TNKS: variants seen among roughly 807,000 people sequenced by gnomAD.
The protein encoded by TNKS is tankyrase.
Under a neutral mutation model 135.8 loss-of-function variants are expected in TNKS, and 72 were observed. The observed-to-expected ratio is 0.53, with a 90% confidence interval of 0.44 to 0.64. The LOEUF (loss-of-function observed/expected upper bound fraction) is 0.64, where lower values mean the gene tolerates loss of function less well. Ranked by LOEUF, TNKS falls within the 30% of genes least tolerant of loss-of-function variation. TNKS has a pLI of 0.00. For synonymous variants in TNKS, 849 were observed against 649.3 expected (o/e 1.31, Z -4.68); for missense variants, 1,769 against 1,674.0 (o/e 1.06, Z -0.99).
intron 12 of TNKS, chr8:9,722,368 A>G (rs1804930498): frequency 6.6e-6 from 1 of 152,194 alleles, no homozygotes; most frequent in East Asian, 1.9e-4. Flanking sequence ...TGTGAAAACT[A>G]TTGATGAGGA....
intron 11 of TNKS, among the ~76,000 whole-genome samples, chr8:9,713,643 T>TA (rs1364124910): frequency 6.6e-6 from 1 of 152,162 alleles, no homozygotes; most frequent in South Asian, 2.1e-4. Context: ...AGTAGGCACT[T>TA]AAAAAAGAGG....
intron 3 of TNKS, among the ~76,000 whole-genome samples, chr8:9,666,588 C>G (rs1283020126): frequency 6.6e-6 from 1 of 152,018 alleles, no homozygotes; most frequent in African/African-American, 2.4e-5. Flanking sequence ...GCTGTGGTGG[C>G]TCACGCCTGT....
At position 9,556,180 on chromosome 8, in the gene TNKS, C is replaced by G; in HGVS notation, c.241C>G (p.Pro81Ala). ...SRDPPDRPRS[P>A]DPVDGTSCCS... ...GGATCCGCCCGACAGGCCCCGATCC[C>G]CGGACCCGGTTGACGGTACCAGCTG... The change falls in exon 1 of 27, where the codon CCG (proline) becomes GCG (alanine). Residue 81 changes from proline to alanine, a missense_variant. By Grantham distance (27) the Pro-to-Ala change is conservative. Coordinates refer to ENST00000310430, the MANE Select transcript of TNKS (RefSeq NM_003747.3). 6.2e-7 allele frequency: 1 copy of G among 1,612,932 alleles called. No homozygotes were observed. The highest frequency in any genetic ancestry group is 8.5e-7 in the Non-Finnish European group (1 of 1,179,294).
intron 3 of TNKS, among the ~76,000 whole-genome samples, chr8:9,660,601 C>G (rs1442759641): frequency 6.6e-6 from 1 of 152,172 alleles, no homozygotes; most frequent in African/African-American, 2.4e-5. Context: ...ATAATAAGAG[C>G]TATCTATGAC....
intron 3 of TNKS, among the ~76,000 whole-genome samples, chr8:9,668,711 G>A (rs1439506035): frequency 1.3e-5 from 2 of 152,188 alleles, no homozygotes; most frequent in Non-Finnish European, 2.9e-5. Flanking sequence ...AAGTGCAAAT[G>A]ATTGGAGCTT....
intron 2 of TNKS, among the ~76,000 whole-genome samples, chr8:9,599,374 A>G (rs55729276): frequency 7.5e-4 from 115 of 152,322 alleles, no homozygotes; most frequent in African/African-American, 2.6e-3. Flanking sequence ...ATATTGTCAC[A>G]TTTAATTGTA....
intron 3 of TNKS, among the ~76,000 whole-genome samples, chr8:9,648,964 GA>G (rs1355981397): frequency 1.3e-5 from 2 of 151,984 alleles, no homozygotes; most frequent in African/African-American, 4.8e-5. Context: ...AAAACAGTGG[GA>G]TAGGTTTAGG....
chr8:9,611,825 A>C (rs554649652), intron 2 of TNKS, among the ~76,000 whole-genome samples: 22 of 152,294 alleles, frequency 1.4e-4, no homozygotes, highest in Non-Finnish European at 2.5e-4. Flanking sequence ...GACATTTAAG[A>C]ATGTGTCTGA....
At chr8:9,667,911 A>C (rs1175367207) in intron 3 of TNKS, among the ~76,000 whole-genome samples, 3 of 143,328 alleles carry the variant, frequency 2.1e-5, no homozygotes, top group Non-Finnish European at 4.5e-5. Flanking sequence ...TTTTTCATTT[A>C]ACAAATATAC....
chr8:9,650,845 T>C (rs1290084158), intron 3 of TNKS, among the ~76,000 whole-genome samples: 1 of 152,178 alleles, frequency 6.6e-6, no homozygotes, highest in Non-Finnish European at 1.5e-5. Flanking sequence ...TTTATTTTTG[T>C]TTTAGTTGCA....
chr8:9,731,881 A>G (rs113552233), intron 14 of TNKS, among the ~76,000 whole-genome samples: 2,423 of 151,690 alleles, frequency 0.016, 67 homozygotes, highest in African/African-American at 0.055. Flanking sequence ...TCTGCCTCCC[A>G]GGTTCACGCC....
At chr8:9,579,138 T>G (rs1798069063) in intron 1 of TNKS, among the ~76,000 whole-genome samples, 1 of 152,220 alleles carries the variant, frequency 6.6e-6, no homozygotes, top group East Asian at 1.9e-4. Context: ...ACCCCCATTT[T>G]TGTCTGAAAA....
rs553427507 is a variant in TNKS at position 9,659,418 on chromosome 8, A to G, written c.995-20533A>G. 1.3e-5 allele frequency among the ~76,000 whole-genome samples: 2 copies of G among 152,372 alleles called. 1 individual carries two copies. Among genetic ancestry groups the G allele is most frequent in the East Asian group, 3.9e-4 (2 of 5,190 alleles). ...CCACAGTGCAATCAAACTAGATCTCAGGATTAAGAAAGTCACTCAAAACTA... is the reference window on the plus strand; with the variant it reads ...CCACAGTGCAATCAAACTAGATCTCGGGATTAAGAAAGTCACTCAAAACTA... On this transcript the variant is annotated intron_variant, in intron 3 of 26. Coordinates refer to ENST00000310430, the MANE Select transcript of TNKS (RefSeq NM_003747.3).
chr8:9,717,063 T>TTG, intron 11 of TNKS, among the ~76,000 whole-genome samples: 1 of 44,868 alleles, frequency 2.2e-5, no homozygotes, highest in Non-Finnish European at 4.6e-5. Flanking sequence ...AGATAATCTG[T>TTG]TGTATTATAA....
intron 1 of TNKS, among the ~76,000 whole-genome samples, chr8:9,578,056 C>T (rs898176228): frequency 2.6e-5 from 4 of 152,218 alleles, no homozygotes; most frequent in Non-Finnish European, 5.9e-5. Flanking sequence ...TCCCTTGACT[C>T]CACGGCTCAC....
At chr8:9,652,825 C>T (rs751811784) in intron 3 of TNKS, among the ~76,000 whole-genome samples, 6 of 152,086 alleles carry the variant, frequency 3.9e-5, no homozygotes, top group African/African-American at 4.8e-5. Context: ...ACCCTCAGAG[C>T]GACCACAGAA....
At chr8:9,622,459 A>C (rs1799902616) in intron 3 of TNKS, among the ~76,000 whole-genome samples, 1 of 152,194 alleles carries the variant, frequency 6.6e-6, no homozygotes, top group African/African-American at 2.4e-5. Flanking sequence ...TTGTTATTGT[A>C]CTCATTTTTA....
chr8:9,569,829 G>T (rs1263215192), intron 1 of TNKS, among the ~76,000 whole-genome samples: 3 of 152,046 alleles, frequency 2.0e-5, no homozygotes, highest in African/African-American at 7.2e-5. Flanking sequence ...TCTGTGCTTT[G>T]TTAAAGTCAT....
intron 3 of TNKS, among the ~76,000 whole-genome samples, chr8:9,616,187 C>T (rs759117711): frequency 1.2e-4 from 18 of 152,014 alleles, no homozygotes; most frequent in Non-Finnish European, 2.4e-4. Flanking sequence ...TTAACTGAGG[C>T]GTTTATTATC....
Sources: gnomAD v4.1 joint callset for allele counts (sites outside exome capture counted in the v4.1 genomes callset) on GRCh38, gnomAD v4.1.1 for gene constraint, MANE v1.5 for transcripts, NCBI Gene and HGNC (gene_info 2026-07-23, HGNC 2026-07-21) for gene names.